The following RGS8 variants were observed in gnomAD, a reference collection of about 807,000 sequenced individuals.
The protein encoded by RGS8 is regulator of G-protein signaling 8.
A neutral mutation model predicts 21.7 loss-of-function variants in RGS8; 8 were observed. The observed-to-expected ratio is 0.37, with a 90% CI of 0.22 to 0.66. The LOEUF (loss-of-function observed/expected upper bound fraction) is 0.66, where lower values mean the gene tolerates loss of function less well. RGS8 is among the 30% of genes least tolerant of loss of function. The pLI, the probability that RGS8 is intolerant of heterozygous loss-of-function variation, is 0.59. For synonymous variants in RGS8, 80 were observed against 83.6 expected, an observed-to-expected ratio of 0.96 and a Z score of 0.24; for missense variants, 157 against 217.9, an observed-to-expected ratio of 0.72 and a Z score of 1.76.
In RGS8 at chr1:182,660,614, C is replaced by A. The variant is rs1266114345; in HGVS notation, c.193+5355G>T. On this transcript the variant is annotated intron_variant, in intron 5 of 6. Coordinates refer to ENST00000483095, the Ensembl canonical transcript of RGS8. ...TGTGGAAACTGGGATTCACAATGTA[C>A]TGCTAGGGATGCGCTGTCTGAGCAC... Among the ~76,000 whole-genome samples the A allele has an allele frequency of 2.0e-5, 3 of 150,822 alleles. No homozygotes were observed. The East Asian group carries it at 5.8e-4, about 29-fold the overall frequency.
At chr1:182,741,057 A>G in the RGS8 span, among the ~76,000 whole-genome samples, 18 of 151,590 alleles carry the variant, frequency 1.2e-4, no homozygotes, top group African/African-American at 3.9e-4. Context: ...CCCGTTCTCA[A>G]TGAGCTGTTG....
the RGS8 span, among the ~76,000 whole-genome samples, chr1:182,736,708 G>T: frequency 4.5e-3 from 687 of 152,308 alleles, 6 homozygotes; most frequent in African/African-American, 0.016. Context: ...GTGTGCGCTG[G>T]ACCTAGCAAC....
chr1:182,702,898 A>G, the RGS8 span, among the ~76,000 whole-genome samples: 1 of 152,236 alleles, frequency 6.6e-6, no homozygotes, highest in Non-Finnish European at 1.5e-5. Context: ...AACTGCAAAC[A>G]TATGGAGAGT....
At chr1:182,685,850 G>C (rs1443601181), upstream of RGS8, among the ~76,000 whole-genome samples, 1 of 152,138 alleles carries the variant, frequency 6.6e-6, no homozygotes, top group Non-Finnish European at 1.5e-5. Context: ...GTGCTGTGGG[G>C]GATGCAGTGA....
chr1:182,727,729 G>T, the RGS8 span, among the ~76,000 whole-genome samples: 1 of 152,002 alleles, frequency 6.6e-6, no homozygotes, highest in Admixed American at 6.6e-5. Flanking sequence ...AGGCTCTAAA[G>T]TATAGAGTTT....
the RGS8 span, among the ~76,000 whole-genome samples, chr1:182,744,958 T>C: frequency 6.6e-6 from 1 of 152,218 alleles, no homozygotes; most frequent in Non-Finnish European, 1.5e-5. Context: ...ATGAGTCTAC[T>C]TTCTGTCTCT....
At chr1:182,709,468 G>A in the RGS8 span, among the ~76,000 whole-genome samples, 9 of 152,188 alleles carry the variant, frequency 5.9e-5, no homozygotes, top group African/African-American at 2.2e-4. Context: ...TCTGGTTATG[G>A]TCTCCACATC....
chr1:182,663,383 G>A (rs972834583), intron 5 of RGS8, among the ~76,000 whole-genome samples: 6 of 152,114 alleles, frequency 3.9e-5, no homozygotes, highest in Non-Finnish European at 5.9e-5. Context: ...CTTTCTTTTC[G>A]AAGACATTCA....
At chr1:182,744,663 G>A in the RGS8 span, among the ~76,000 whole-genome samples, 215 of 152,308 alleles carry the variant, frequency 1.4e-3, no homozygotes, top group Non-Finnish European at 2.2e-3. Context: ...GTACAGTAAC[G>A]TGCTATACAG....
At chr1:182,672,773 T>C (rs762006118), upstream of RGS8, 1 of 1,611,286 alleles carries the variant, frequency 6.2e-7, no homozygotes, top group Admixed American at 1.7e-5. Flanking sequence ...ACATGATCCC[T>C]ATTTTTCTGT....
At chr1:182,747,190 A>G in the RGS8 span, among the ~76,000 whole-genome samples, 24 of 150,246 alleles carry the variant, frequency 1.6e-4, no homozygotes, top group Non-Finnish European at 4.4e-5. Flanking sequence ...CTGAGCCACC[A>G]TTCCTGGCCC....
At chr1:182,678,292 G>A (rs1018685444) in intron 1 of RGS8, among the ~76,000 whole-genome samples, 6 of 152,196 alleles carry the variant, frequency 3.9e-5, no homozygotes, top group African/African-American at 1.4e-4. Flanking sequence ...TGCCTACAAT[G>A]TGTGGCTTCA....
At chr1:182,741,793 C>G in the RGS8 span, among the ~76,000 whole-genome samples, 3,981 of 39,162 alleles carry the variant, frequency 0.1, 177 homozygotes, top group East Asian at 0.16. Context: ...CGGCTGGCCG[C>G]GCAGAGGGGC....
chr1:182,701,144 T>C, the RGS8 span, among the ~76,000 whole-genome samples: 1 of 152,228 alleles, frequency 6.6e-6, no homozygotes, highest in African/African-American at 2.4e-5. Flanking sequence ...GTGAAATTAA[T>C]GGCATGGGGC....
At chr1:182,700,170 G>C in the RGS8 span, among the ~76,000 whole-genome samples, 3 of 151,930 alleles carry the variant, frequency 2.0e-5, no homozygotes, top group Non-Finnish European at 4.4e-5. Context: ...CGAGGGGGAG[G>C]GGGATCCCTC....
the RGS8 span, among the ~76,000 whole-genome samples, chr1:182,745,619 A>C: frequency 2.0e-5 from 3 of 152,246 alleles, no homozygotes; most frequent in Non-Finnish European, 4.4e-5. Flanking sequence ...GTGAGATTCT[A>C]CTGCATAAAT....
chr1:182,648,660 G>A (rs1287973), intron 5 of RGS8, among the ~76,000 whole-genome samples: 15,058 of 152,106 alleles, frequency 0.099, 1,574 homozygotes, highest in African/African-American at 0.26. Flanking sequence ...GCTTGAACCC[G>A]GGAGGCAGAG....
At chr1:182,696,261 T>C in the RGS8 span, among the ~76,000 whole-genome samples, 7 of 152,364 alleles carry the variant, frequency 4.6e-5, no homozygotes, top group East Asian at 1.3e-3. Context: ...CTGTCTTTTG[T>C]TTCTGAACTG....
chr1:182,706,529 C>T, the RGS8 span, among the ~76,000 whole-genome samples: 6,008 of 151,906 alleles, frequency 0.04, 162 homozygotes, highest in East Asian at 0.1. Context: ...TACAGTGGTA[C>T]GATCTCAGCT....
Sources: allele counts gnomAD v4.1 joint callset (sites outside exome capture counted in the v4.1 genomes callset), GRCh38; gene constraint gnomAD v4.1.1; transcripts MANE v1.5; gene names NCBI Gene and HGNC (gene_info 2026-07-23, HGNC 2026-07-21).